The following PDIA5 variants were observed in gnomAD, a reference collection of about 807,000 sequenced individuals.
The protein encoded by PDIA5 is protein disulfide-isomerase A5.
A neutral mutation model predicts 77.6 loss-of-function variants in PDIA5; 58 were observed. That is an observed-to-expected ratio of 0.75 (90% CI 0.61 to 0.93). The LOEUF (loss-of-function observed/expected upper bound fraction) is 0.93, where lower values mean the gene tolerates loss of function less well. Among genes scored for constraint, PDIA5 ranks in the 40% least tolerant of loss-of-function variants. The pLI, the probability that PDIA5 is intolerant of heterozygous loss-of-function variation, is 0.00. For synonymous variants in PDIA5, 250 were observed against 252.1 expected (o/e 0.99, Z 0.08); for missense variants, 630 against 647.7 (o/e 0.97, Z 0.30).
chr3:123,090,764 G>A (rs1329419199), intron 2 of PDIA5, among the ~76,000 whole-genome samples: 1 of 152,030 alleles, frequency 6.6e-6, no homozygotes, highest in Non-Finnish European at 1.5e-5. Flanking sequence ...GCAGGAGGTA[G>A]CACCTAAGCT....
At position 123,096,292 on chromosome 3, in the gene PDIA5, G is replaced by A. The variant is rs976517845; in HGVS notation, c.257+3850G>A. 5.3e-5 allele frequency among the ~76,000 whole-genome samples: 8 copies of A among 152,002 alleles called. No homozygotes were observed. In the East Asian group the frequency reaches 5.8e-4, roughly 11 times the overall value. On this transcript the variant is annotated intron_variant, in intron 3 of 16. Transcript: ENST00000316218. ...CGGTTCATTGCAGACTTGACCTCCC[G>A]GGCTGAAGCCATCCTCCCAGCTCAG...
At chr3:123,160,749 T>C (rs1936140154) in intron 15 of PDIA5, among the ~76,000 whole-genome samples, 1 of 152,214 alleles carries the variant, frequency 6.6e-6, no homozygotes, top group African/African-American at 2.4e-5. Context: ...ACTGGAATTC[T>C]CTTATTCAGT....
intron 5 of PDIA5, among the ~76,000 whole-genome samples, chr3:123,105,569 T>G (rs1934703636): frequency 6.6e-6 from 1 of 152,224 alleles, no homozygotes; most frequent in Admixed American, 6.5e-5. Flanking sequence ...ACTACCTGAA[T>G]GAAATCCTAT....
At chr3:123,150,109 A>C in intron 13 of PDIA5, 125 bp from the exon 14 acceptor site, 1 of 697,342 alleles carries the variant, frequency 1.4e-6, no homozygotes, top group Non-Finnish European at 2.5e-6. Context: ...ATGAAATTTT[A>C]GAAGGATTGT....
At chr3:123,085,629 C>A (rs755200254) in intron 1 of PDIA5, among the ~76,000 whole-genome samples, 3 of 152,174 alleles carry the variant, frequency 2.0e-5, no homozygotes, top group East Asian at 1.9e-4. Flanking sequence ...GTTGTCGCTG[C>A]GGCTCAGCTG....
chr3:123,078,301 G>T (rs775476334), intron 1 of PDIA5, among the ~76,000 whole-genome samples: 3 of 152,200 alleles, frequency 2.0e-5, no homozygotes, highest in Admixed American at 2.0e-4. Context: ...CTGCACGTAC[G>T]TGGGAAAGGG....
chr3:123,102,518 A>G (rs375670958), intron 4 of PDIA5, 24 bp downstream of exon 4: 31 of 1,560,548 alleles, frequency 2.0e-5, no homozygotes, highest in Non-Finnish European at 2.6e-5. Context: ...GGCATTTCCA[A>G]TTTCCAAGTA....
chr3:123,109,913 A>G (rs1449049744), intron 6 of PDIA5, among the ~76,000 whole-genome samples: 1 of 152,240 alleles, frequency 6.6e-6, no homozygotes, highest in Non-Finnish European at 1.5e-5. Flanking sequence ...TTAATGATGC[A>G]GTAGTATCCC....
chr3:123,136,370 C>T (rs138809419), intron 11 of PDIA5, among the ~76,000 whole-genome samples: 1 of 152,182 alleles, frequency 6.6e-6, no homozygotes, highest in Non-Finnish European at 1.5e-5. Flanking sequence ...CGCCGTGCCC[C>T]TTCTCAGGGC....
chr3:123,105,669 G>A (rs1471448821), intron 5 of PDIA5, among the ~76,000 whole-genome samples: 1 of 152,104 alleles, frequency 6.6e-6, no homozygotes, highest in Non-Finnish European at 1.5e-5. Flanking sequence ...TGTGACCAGT[G>A]GATGGGCTGA....
At chr3:123,096,801 G>A (rs1430618116) in intron 3 of PDIA5, among the ~76,000 whole-genome samples, 1 of 152,194 alleles carries the variant, frequency 6.6e-6, no homozygotes, top group East Asian at 1.9e-4. Flanking sequence ...GCTGTTAAGC[G>A]GGTTGTGTGT....
In PDIA5 at chr3:123,116,588, C is replaced by A. The variant is rs550605343; in HGVS notation, c.609+290C>A. Among the ~76,000 whole-genome samples the A allele has an allele frequency of 2.0e-5, 3 of 152,346 alleles. No homozygotes were observed. In the South Asian group the frequency reaches 6.2e-4, roughly 32 times the overall value. The stretch of plus-strand genomic sequence containing the variant: ...GTGGCATTGTCAGGGGGCCAGGGAC[C>A]AAGGTCGGAACATCGTGGGTCCAGA... On this transcript the variant is annotated intron_variant, in intron 8 of 16. Transcript: ENST00000316218.
At chr3:123,158,088 G>A (rs988397122) in intron 15 of PDIA5, among the ~76,000 whole-genome samples, 3 of 152,230 alleles carry the variant, frequency 2.0e-5, no homozygotes, top group African/African-American at 2.4e-5. Flanking sequence ...AGCTCCCTCA[G>A]GACAGAGACC....
intron 14 of PDIA5, among the ~76,000 whole-genome samples, chr3:123,153,928 AG>A (rs1935965967): frequency 6.6e-6 from 1 of 152,152 alleles, no homozygotes; most frequent in Non-Finnish European, 1.5e-5. Context: ...GCTGACGTAG[AG>A]GTGTGGGCTG....
At chr3:123,082,656 A>C (rs1329606249) in intron 1 of PDIA5, among the ~76,000 whole-genome samples, 1 of 152,036 alleles carries the variant, frequency 6.6e-6, no homozygotes, top group Non-Finnish European at 1.5e-5. Flanking sequence ...TCCCCGTGTT[A>C]CTGCTGTCCT....
chr3:123,108,236 C>T (rs935700309), intron 6 of PDIA5, among the ~76,000 whole-genome samples: 2 of 150,764 alleles, frequency 1.3e-5, no homozygotes, highest in African/African-American at 4.9e-5. Context: ...CTGGGCACAA[C>T]ATTCTCTGGG....
intron 11 of PDIA5, among the ~76,000 whole-genome samples, chr3:123,141,554 G>C (rs549795404): frequency 3.0e-4 from 46 of 152,326 alleles, no homozygotes; most frequent in African/African-American, 1.1e-3. Flanking sequence ...TGTTCATGCA[G>C]GGTGAGCCCC....
At chr3:123,116,408 C>T (rs1428557358) in intron 8 of PDIA5, 110 bp downstream of exon 8, 1 of 814,470 alleles carries the variant, frequency 1.2e-6, no homozygotes, top group Non-Finnish European at 2.0e-6. Context: ...GATGACTGAC[C>T]CTGCTGCCTG....
At chr3:123,147,058 G>A (rs1444167817) in intron 13 of PDIA5, among the ~76,000 whole-genome samples, 4 of 152,050 alleles carry the variant, frequency 2.6e-5, no homozygotes, top group African/African-American at 9.7e-5. Flanking sequence ...TGATCCACCC[G>A]CCTCAGCCTC....
Sources: gnomAD v4.1 joint callset for allele counts (sites outside exome capture counted in the v4.1 genomes callset) on GRCh38, gnomAD v4.1.1 for gene constraint, MANE v1.5 for transcripts, NCBI Gene and HGNC (gene_info 2026-07-23, HGNC 2026-07-21) for gene names.